MRPS23: variants seen among roughly 807,000 people sequenced by gnomAD.
MRPS23 encodes mitochondrial ribosomal protein S23.
Under a neutral mutation model 19.8 loss-of-function variants are expected in MRPS23, and 14 were observed. The ratio of observed to expected loss-of-function variants is 0.71; its 90% CI spans 0.47 to 1.11. The LOEUF (loss-of-function observed/expected upper bound fraction) is 1.11. Among genes scored for constraint, MRPS23 ranks in the 50% least tolerant of loss-of-function variants. The pLI is 0.00. For synonymous variants in MRPS23, 113 were observed against 89.7 expected, an observed-to-expected ratio of 1.26 and a Z score of -1.47; for missense variants, 242 against 236.7, an observed-to-expected ratio of 1.02 and a Z score of -0.15.
Position 57,835,352 on chromosome 17 carries a change from C to T in MRPS23, c.*4431G>A, listed in dbSNP as rs562505901. On this transcript the variant is annotated 3_prime_UTR_variant, in exon 5 of 5. Transcript: ENST00000313608. ...GATGCTGCTAAGTTTTCTAGTCACT[C>T]AGGTTTGTGACCTTGGACTTGCTGC... is the stretch of plus-strand genomic sequence containing the variant. 29 of 152,454 alleles carry T rather than the reference C, an allele frequency of 1.9e-4. No individual in the cohort carries two copies. The highest frequency in any genetic ancestry group is 6.5e-4 in the African/African-American group (27 of 41,582). The allele number at this position is 152,454 out of a possible 1,614,324, so 9.4% of individuals were successfully genotyped here.
chr17:57,842,891 T>C (rs57322769), intron 2 of MRPS23, among the ~76,000 whole-genome samples: 33,405 of 75,800 alleles, frequency 0.44, 6,512 homozygotes, highest in Non-Finnish European at 0.5. Context: ...TATATATATA[T>C]ACACACACAC....
rs190045670 is a variant in MRPS23 at position 57,849,796 on chromosome 17, G to T, written c.44+171C>A. The T allele has an allele frequency of 7.9e-6, 6 of 764,182 alleles. No individual in the cohort carries two copies. The East Asian group carries it at 1.4e-4, about 17-fold the overall frequency. The allele number at this position is 764,182 out of a possible 1,614,324, so 47.3% of individuals were successfully genotyped here. The stretch of plus-strand genomic sequence containing the variant: ...TAAATTCAAGGAGAGGCATCCTCAG[G>T]CACAACTATTCGGAGCCAGGAGAAA... On this transcript the variant is annotated intron_variant, in intron 1 of 4. Transcript: ENST00000313608.
intron 2 of MRPS23, chr17:57,848,806 A>AT (rs2073792929): frequency 7.1e-6 from 1 of 140,192 alleles, no homozygotes; most frequent in Non-Finnish European, 1.6e-5. Context: ...GCTTGGAGTC[A>AT]GAGATGTGAT....
chr17:57,841,880 GA>G, intron 2 of MRPS23, among the ~76,000 whole-genome samples: 1 of 152,232 alleles, frequency 6.6e-6, no homozygotes, highest in South Asian at 2.1e-4. Flanking sequence ...CCAGGAGGCA[GA>G]GGTTGCAGTA....
intron 4 of MRPS23, 167 bp downstream of exon 4, chr17:57,840,759 G>A: frequency 2.9e-6 from 2 of 686,280 alleles, no homozygotes; most frequent in East Asian, 5.6e-5. Flanking sequence ...GATGATTAAA[G>A]TATATGGGAG....
intron 2 of MRPS23, among the ~76,000 whole-genome samples, chr17:57,845,787 C>A (rs2073769082): frequency 6.6e-6 from 1 of 152,220 alleles, no homozygotes; most frequent in African/African-American, 2.4e-5. Context: ...CTCTACCAGC[C>A]TCATAGTTCA....
Position 57,839,768 on chromosome 17 carries a change from C to T in MRPS23, c.*15G>A. ...AGTAGAGTGTGAATGCCAGCATACA[C>T]AGTATACAGGTCCTTCAGGGAGGCA... On this transcript the variant is annotated 3_prime_UTR_variant, in exon 5 of 5. Coordinates refer to ENST00000313608, the MANE Select transcript of MRPS23 (RefSeq NM_016070.4). The T allele has an allele frequency of 6.2e-7, 1 of 1,612,904 alleles. No individual in the cohort carries two copies. Among genetic ancestry groups the T allele is most frequent in the Non-Finnish European group, 8.5e-7 (1 of 1,179,168 alleles).
chr17:57,849,324 G>C lies in MRPS23; in HGVS notation c.131C>G (p.Pro44Arg). 1 of 1,614,212 alleles carries C rather than the reference G, an allele frequency of 6.2e-7. No individual in the cohort carries two copies. ...TCGCACTCGAGGCCTTTGGAAGACG[G>C]GCTCCCTCAGCGGGGGAAAGGCGTC... The part of the protein sequence containing the change: ...VYDAFPPLRE[P>R]VFQRPRVRYG... Residue 44 changes from proline to arginine, a missense_variant, in exon 2 of 5, where the codon CCC becomes CGC. Physicochemically the swap from Pro to Arg is moderately radical, Grantham distance 103. Coordinates refer to ENST00000313608, the MANE Select transcript of MRPS23 (RefSeq NM_016070.4).
At chr17:57,841,490 C>T (rs1473886806) in intron 2 of MRPS23, among the ~76,000 whole-genome samples, 1 of 152,214 alleles carries the variant, frequency 6.6e-6, no homozygotes, top group Non-Finnish European at 1.5e-5. Flanking sequence ...CTCCCTCCCA[C>T]TTCTGCACCC....
chr17:57,847,211 T>C (rs554684129), intron 2 of MRPS23, among the ~76,000 whole-genome samples: 2 of 150,962 alleles, frequency 1.3e-5, no homozygotes, highest in Admixed American at 1.3e-4. Context: ...GAGAACAGCT[T>C]GAACCCGGGA....
At chr17:57,849,099 G>T in intron 2 of MRPS23, 141 bp downstream of exon 2, 1 of 1,001,340 alleles carries the variant, frequency 1.0e-6, no homozygotes, top group Non-Finnish European at 1.4e-6. Context: ...AAGGGGTGCT[G>T]CCTCCCTAAT....
Position 57,841,042 on chromosome 17 carries a change from T to C in MRPS23, c.304A>G (p.Lys102Glu). The C allele has an allele frequency of 6.2e-7, 1 of 1,614,086 alleles. No homozygotes were observed. The change falls in exon 4 of 5, where the codon AAG becomes GAG. Residue 102 changes from lysine (K) to glutamate (E), a missense_variant. Physicochemically the swap from Lys to Glu is moderately conservative, Grantham distance 56 (BLOSUM62 1). Coordinates refer to ENST00000313608, the MANE Select transcript of MRPS23 (RefSeq NM_016070.4). ...FKSTCQRFVE[K>E]YTELQKLGET... ...CCAAGTTTCTGTAGCTCAGTGTACT[T>C]CTCCACAAACCTGTAATTCCAAGCA...
At chr17:57,846,537 T>C (rs1019547016) in intron 2 of MRPS23, among the ~76,000 whole-genome samples, 1 of 152,066 alleles carries the variant, frequency 6.6e-6, no homozygotes, top group Non-Finnish European at 1.5e-5. Flanking sequence ...TGGAAAGAGG[T>C]AGACATGGGA....
intron 2 of MRPS23, among the ~76,000 whole-genome samples, chr17:57,846,002 G>C (rs1320501456): frequency 6.6e-6 from 1 of 152,000 alleles, no homozygotes; most frequent in Non-Finnish European, 1.5e-5. Flanking sequence ...CCACAACAGG[G>C]GCAGTATGAA....
At chr17:57,842,699 C>T (rs1038311682) in intron 2 of MRPS23, among the ~76,000 whole-genome samples, 1 of 151,814 alleles carries the variant, frequency 6.6e-6, no homozygotes, top group Non-Finnish European at 1.5e-5. Context: ...AGGTAATATA[C>T]GAGCACCTAT....
chr17:57,846,257 G>C (rs1035108505), intron 2 of MRPS23, among the ~76,000 whole-genome samples: 1 of 143,190 alleles, frequency 7.0e-6, no homozygotes, highest in East Asian at 2.0e-4. Context: ...GAGGTGGGGG[G>C]TAGCCACCGC....
chr17:57,846,475 A>T (rs2073776480), intron 2 of MRPS23, among the ~76,000 whole-genome samples: 1 of 152,212 alleles, frequency 6.6e-6, no homozygotes, highest in African/African-American at 2.4e-5. Context: ...CGAATAGAAA[A>T]GGGGGAAATG....
At position 57,839,792 on chromosome 17, in the gene MRPS23, C is replaced by G; in HGVS notation, c.564G>C (p.Leu188Phe). The part of the protein sequence containing the change: ...EAPADQSKGL[L>F]PP ...ACAGTATACAGGTCCTTCAGGGAGG[C>G]AAGAGACCTTTCGACTGGTCTGCAG... Residue 188 changes from leucine to phenylalanine, a missense_variant, in exon 5 of 5, where the codon TTG (leucine) becomes TTC (phenylalanine). Leu to Phe is a conservative substitution (Grantham distance 22, BLOSUM62 0). Transcript: ENST00000313608. 1 of 1,614,044 alleles carries G rather than the reference C, an allele frequency of 6.2e-7. No individual in the cohort carries two copies. The highest frequency in any genetic ancestry group is 8.5e-7 in the Non-Finnish European group (1 of 1,179,956).
rs1170763588 is a variant in MRPS23, at chr17:57,837,760, G to A, written c.*2023C>T. ...GCAGGAGGATCGCTTGAGGCCAGGAGTTTGAGACCAGGCCAGCCTGGGCAA... is the reference window on the plus strand; with the variant it reads ...GCAGGAGGATCGCTTGAGGCCAGGAATTTGAGACCAGGCCAGCCTGGGCAA... On this transcript the variant is annotated 3_prime_UTR_variant, in exon 5 of 5. Coordinates refer to ENST00000313608, the MANE Select transcript of MRPS23 (RefSeq NM_016070.4). The A allele has an allele frequency of 6.6e-6, 1 of 152,494 alleles. No individual in the cohort carries two copies. The highest frequency in any genetic ancestry group is 2.4e-5 in the African/African-American group (1 of 41,354). 9.4% of individuals were successfully genotyped at this position (152,494 alleles called of 1,614,324 possible). A position where few individuals can be genotyped will look rare whatever the true frequency, so the allele number is the denominator to read the frequency against.
Sources: gnomAD v4.1 joint callset for allele counts (sites outside exome capture counted in the v4.1 genomes callset) on GRCh38, gnomAD v4.1.1 for gene constraint, MANE v1.5 for transcripts, NCBI Gene and HGNC (gene_info 2026-07-23, HGNC 2026-07-21) for gene names.